AUTS2: variants seen among roughly 807,000 people sequenced by gnomAD.
AUTS2 encodes autism susceptibility gene 2 protein.
A neutral mutation model predicts 112.4 loss-of-function variants in AUTS2; 17 were observed. That is an observed-to-expected ratio of 0.15 (90% CI 0.10 to 0.23). The LOEUF (loss-of-function observed/expected upper bound fraction) is 0.23, where lower values mean the gene tolerates loss of function less well. Among genes scored for constraint, AUTS2 ranks in the 10% least tolerant of loss-of-function variants. AUTS2 has a pLI of 1.00. For synonymous variants in AUTS2, 751 were observed against 702.7 expected (o/e 1.07, Z -1.09); for missense variants, 1,510 against 1,701.6 (o/e 0.89, Z 1.98).
At chr7:70,383,810 T>A (rs1238354198) in intron 4 of AUTS2, among the ~76,000 whole-genome samples, 1 of 152,230 alleles carries the variant, frequency 6.6e-6, no homozygotes, top group Non-Finnish European at 1.5e-5. Flanking sequence ...ACTTACTGTT[T>A]GCTGCCTCCC....
intron 2 of AUTS2, among the ~76,000 whole-genome samples, chr7:69,914,364 C>CAG (rs1325777995): frequency 4.8e-5 from 7 of 145,764 alleles, no homozygotes; most frequent in East Asian, 2.0e-4. Flanking sequence ...CAGACACACA[C>CAG]ACACACACAC....
chr7:70,047,409 A>G (rs1409745374), intron 2 of AUTS2, among the ~76,000 whole-genome samples: 1 of 152,210 alleles, frequency 6.6e-6, no homozygotes, highest in African/African-American at 2.4e-5. Context: ...TTAAATAGCA[A>G]TTGCAGAGAC....
intron 1 of AUTS2, among the ~76,000 whole-genome samples, chr7:69,706,979 C>G (rs190950292): frequency 6.6e-6 from 1 of 152,330 alleles, no homozygotes; most frequent in East Asian, 1.9e-4. Flanking sequence ...ACTTGGAGGT[C>G]AGGTCTGGAG....
chr7:70,434,104 A>G lies in AUTS2; in HGVS notation c.661-1648A>G, dbSNP rs556331428. On this transcript the variant is annotated intron_variant, in intron 4 of 18. Transcript: ENST00000342771. ...CTGGACATCACGTTCTTATACACTC[A>G]TGTTCAAAGGCCAAAGGCAGGTGGT... Among the ~76,000 whole-genome samples, 3 of 152,274 alleles carry G rather than the reference A, an allele frequency of 2.0e-5. No homozygotes were observed. In the South Asian group the frequency reaches 6.2e-4, roughly 32 times the overall value.
intron 2 of AUTS2, among the ~76,000 whole-genome samples, chr7:70,047,424 T>C (rs562146003): frequency 2.6e-5 from 4 of 152,188 alleles, no homozygotes; most frequent in African/African-American, 9.7e-5. Context: ...AGAGACACTT[T>C]CCCTATTTTT....
At chr7:70,469,584 G>C (rs964901188) in intron 5 of AUTS2, among the ~76,000 whole-genome samples, 1 of 152,172 alleles carries the variant, frequency 6.6e-6, no homozygotes, top group Admixed American at 6.5e-5. Flanking sequence ...GAAGCCACTG[G>C]AAGCTTTTTT....
At chr7:70,298,732 A>G (rs1022216802) in intron 4 of AUTS2, among the ~76,000 whole-genome samples, 1 of 152,202 alleles carries the variant, frequency 6.6e-6, no homozygotes, top group Non-Finnish European at 1.5e-5. Context: ...CCTTAACCCA[A>G]ATTAACACAT....
At chr7:69,704,434 C>A (rs549906729) in intron 1 of AUTS2, among the ~76,000 whole-genome samples, 39 of 152,122 alleles carry the variant, frequency 2.6e-4, no homozygotes, top group African/African-American at 9.4e-4. Context: ...CCTGCCACCA[C>A]GCCCGGCTAA....
In AUTS2 at chr7:69,771,695, T is replaced by A. The variant is rs775362096; in HGVS notation, c.310-127591T>A. Among the ~76,000 whole-genome samples the A allele has an allele frequency of 1.3e-4, 20 of 151,938 alleles. 1 individual carries two copies. The highest frequency in any genetic ancestry group is 4.4e-5 in the Non-Finnish European group (3 of 68,002). Reference sequence around the variant, plus strand: ...GATTACTGGGGCAGAGGAACAGTGGTCTCTTGGGGAGATTAGGAGCTGGGA... The same window carrying A: ...GATTACTGGGGCAGAGGAACAGTGGACTCTTGGGGAGATTAGGAGCTGGGA... On this transcript the variant is annotated intron_variant, in intron 1 of 18. Coordinates refer to ENST00000342771, the MANE Select transcript of AUTS2 (RefSeq NM_015570.4).
rs1801735454 is a variant in AUTS2, at chr7:70,051,180, T to C, written c.523-66952T>C. On this transcript the variant is annotated intron_variant, in intron 2 of 18. Transcript: ENST00000342771. ...CATTTTTCAGACTACTTTGCACAGA[T>C]TTAATGATTAAGGAAACAGGATAGG... 2.0e-5 allele frequency among the ~76,000 whole-genome samples: 3 copies of C among 152,182 alleles called. No homozygotes were observed. In the South Asian group the frequency reaches 6.2e-4, roughly 32 times the overall value.
chr7:70,069,860 A>G (rs148099053), intron 2 of AUTS2, among the ~76,000 whole-genome samples: 1 of 152,258 alleles, frequency 6.6e-6, no homozygotes, highest in African/African-American at 2.4e-5. Context: ...ATCCTGTTAT[A>G]TAATAGGAAA....
intron 5 of AUTS2, among the ~76,000 whole-genome samples, chr7:70,617,641 C>T (rs551375151): frequency 1.2e-4 from 17 of 147,250 alleles, no homozygotes; most frequent in Admixed American, 5.4e-4. Context: ...CCAACCTGGG[C>T]GACAGAGCGA....
intron 1 of AUTS2, among the ~76,000 whole-genome samples, chr7:69,830,477 G>T (rs1390362068): frequency 6.6e-6 from 1 of 152,128 alleles, no homozygotes; most frequent in Admixed American, 6.5e-5. Context: ...AATGAGCTCA[G>T]ATCCAACTTT....
At chr7:70,247,005 C>G (rs556193394) in intron 4 of AUTS2, among the ~76,000 whole-genome samples, 1 of 152,028 alleles carries the variant, frequency 6.6e-6, no homozygotes, top group South Asian at 2.1e-4. Flanking sequence ...AGCAGCAGTT[C>G]TCGTTCTTCG....
chr7:70,525,536 T>C (rs1799805140), intron 5 of AUTS2, among the ~76,000 whole-genome samples: 1 of 152,214 alleles, frequency 6.6e-6, no homozygotes, highest in South Asian at 2.1e-4. Flanking sequence ...GCTGATGTGC[T>C]CAAGATGACT....
intron 5 of AUTS2, among the ~76,000 whole-genome samples, chr7:70,458,886 G>A (rs1796852905): frequency 6.6e-6 from 1 of 152,194 alleles, no homozygotes; most frequent in African/African-American, 2.4e-5. Context: ...GCACCAAGCT[G>A]CTCCATCCAC....
intron 4 of AUTS2, among the ~76,000 whole-genome samples, chr7:70,241,630 T>C (rs921999592): frequency 1.3e-5 from 2 of 152,148 alleles, no homozygotes; most frequent in African/African-American, 4.8e-5. Flanking sequence ...GAGAGAAGCA[T>C]GAATTCCTTA....
chr7:70,483,056 G>A (rs1585198625), intron 5 of AUTS2, among the ~76,000 whole-genome samples: 1 of 152,120 alleles, frequency 6.6e-6, no homozygotes, highest in East Asian at 1.9e-4. Flanking sequence ...TTGGAGATGG[G>A]GAGGGCATTG....
At chr7:70,121,262 G>C (rs879574537) in intron 3 of AUTS2, among the ~76,000 whole-genome samples, 1 of 152,038 alleles carries the variant, frequency 6.6e-6, no homozygotes, top group Admixed American at 6.6e-5. Context: ...AAAATATACA[G>C]GTAAATCTTC....
Sources: allele counts gnomAD v4.1 joint callset (sites outside exome capture counted in the v4.1 genomes callset), GRCh38; gene constraint gnomAD v4.1.1; transcripts MANE v1.5; gene names NCBI Gene and HGNC (gene_info 2026-07-23, HGNC 2026-07-21).